ANGPT2: variants seen among roughly 807,000 people sequenced by gnomAD.
ANGPT2 encodes the protein angiopoietin-2.
In ANGPT2, 28 loss-of-function variants were observed where a neutral mutation model predicts 62.9. The observed-to-expected ratio is 0.44, with a 90% CI of 0.33 to 0.61. The LOEUF (loss-of-function observed/expected upper bound fraction) is 0.61. Among genes scored for constraint, ANGPT2 ranks in the 20% least tolerant of loss-of-function variants. The pLI is 0.03. For missense variants in ANGPT2, 727 were observed against 594.9 expected (o/e 1.22, Z -2.31); for synonymous variants, 284 against 207.8 (o/e 1.37, Z -3.15).
At chr8:6,506,635 G>C (rs781594757) in intron 8 of ANGPT2, among the ~76,000 whole-genome samples, 3 of 152,120 alleles carry the variant, frequency 2.0e-5, no homozygotes, top group Non-Finnish European at 2.9e-5. Context: ...CTTTAAAAAG[G>C]ATGATTGTGC....
rs1035475766 is a variant in ANGPT2 at position 6,500,154 on chromosome 8, A to G, written c.*2947T>C. 5.6e-6 allele frequency: 3 copies of G among 537,556 alleles called. No individual in the cohort carries two copies. The highest frequency in any genetic ancestry group is 1.0e-5 in the Non-Finnish European group (3 of 298,478). The allele number at this position is 537,556 out of a possible 1,614,324, so 33.3% of individuals were successfully genotyped here. ...GTAGTGAGGAATGCAGTCCAAAGAA[A>G]ATTTGACGATTAACATCCTCAGAAC... On this transcript the variant is annotated 3_prime_UTR_variant, in exon 9 of 9. Transcript: ENST00000629816.
At chr8:6,531,345 G>A (rs1209524106) in intron 2 of ANGPT2, among the ~76,000 whole-genome samples, 1 of 150,142 alleles carries the variant, frequency 6.7e-6, no homozygotes, top group Non-Finnish European at 1.5e-5. Context: ...CTGGAGTGCA[G>A]TGGCACGATC....
intron 3 of ANGPT2, 35 bp downstream of exon 3, chr8:6,527,520 G>T (rs770700589): frequency 1.2e-6 from 2 of 1,604,968 alleles, no homozygotes; most frequent in Admixed American, 1.7e-5. Flanking sequence ...AAAGTGTGCA[G>T]TCCTGAATTA....
intron 1 of ANGPT2, among the ~76,000 whole-genome samples, chr8:6,541,227 C>T (rs769115566): frequency 1.3e-5 from 2 of 152,148 alleles, no homozygotes; most frequent in African/African-American, 4.8e-5. Flanking sequence ...CCTGACACAG[C>T]AGGGGATGCT....
chr8:6,508,616 A>T (rs1814276499), intron 8 of ANGPT2: 2 of 485,486 alleles, frequency 4.1e-6, no homozygotes, highest in East Asian at 6.6e-5. Context: ...AAATGTAATT[A>T]AACCATCTCT....
intron 1 of ANGPT2, among the ~76,000 whole-genome samples, chr8:6,546,838 G>C (rs190458168): frequency 6.6e-6 from 1 of 152,286 alleles, no homozygotes; most frequent in African/African-American, 2.4e-5. Context: ...ATGTTTATCG[G>C]AAAGCGAGTA....
At chr8:6,527,437 T>C (rs1183555130) in intron 3 of ANGPT2, 118 bp downstream of exon 3, 3 of 1,286,810 alleles carry the variant, frequency 2.3e-6, no homozygotes, top group African/African-American at 1.5e-5. Context: ...ATGAGGTTTC[T>C]GACCCTTACA....
chr8:6,502,939 A>G lies in ANGPT2; in HGVS notation c.*162T>C. The G allele has an allele frequency of 1.3e-6, 1 of 761,176 alleles. No individual in the cohort carries two copies. The highest frequency in any genetic ancestry group is 2.0e-5 in the South Asian group (1 of 50,888). The allele number at this position is 761,176 out of a possible 1,614,324, so 47.2% of individuals were successfully genotyped here. A position where few individuals can be genotyped will look rare whatever the true frequency, so the allele number is the denominator to read the frequency against. ...CCGTTAAGTGATGCAAGTTTAAGTG[A>G]TAAAGTTTACAGGCTCTAATCTGGA... is the stretch of plus-strand genomic sequence containing the variant. On this transcript the variant is annotated 3_prime_UTR_variant, in exon 9 of 9. Coordinates refer to ENST00000629816, the MANE Select transcript of ANGPT2 (RefSeq NM_001118887.2).
At chr8:6,507,953 C>G (rs1484099476) in intron 8 of ANGPT2, 2 of 152,186 alleles carry the variant, frequency 1.3e-5, no homozygotes, top group Non-Finnish European at 2.9e-5. Flanking sequence ...ACCAACCCAT[C>G]TGTTTTAAGT....
chr8:6,537,953 T>C (rs1192171852), intron 1 of ANGPT2, among the ~76,000 whole-genome samples: 1 of 152,158 alleles, frequency 6.6e-6, no homozygotes, highest in Non-Finnish European at 1.5e-5. Context: ...CTGAGTGACC[T>C]AAGGTGGACA....
Position 6,527,568 on chromosome 8 carries a change from G to T in ANGPT2, c.553C>A (p.Gln185Lys). ...TACTGTTATTACCTGTTCTTATCTTGCAATTTGTTTATTTCACTGGTCTGG... is the reference window on the plus strand; with the variant it reads ...TACTGTTATTACCTGTTCTTATCTTTCAATTTGTTTATTTCACTGGTCTGG... ...LDQTSEINKL[Q>K]DKNSFLEKKV... is the part of the protein sequence containing the mutation. The change falls in exon 3 of 9, where the codon CAA becomes AAA. Residue 185 changes from glutamine to lysine, a missense_variant. Gln to Lys is a moderately conservative substitution (Grantham distance 53, BLOSUM62 1). Coordinates refer to ENST00000629816, the MANE Select transcript of ANGPT2 (RefSeq NM_001118887.2). 1 of 1,613,666 alleles carries T rather than the reference G, an allele frequency of 6.2e-7. No homozygotes were observed. Among genetic ancestry groups the T allele is most frequent in the Non-Finnish European group, 8.5e-7 (1 of 1,179,844 alleles).
At chr8:6,519,818 G>A (rs1466012380) in intron 5 of ANGPT2, 46 bp downstream of exon 5, 1 of 1,602,010 alleles carries the variant, frequency 6.2e-7, no homozygotes. Flanking sequence ...CACTAAAGTG[G>A]CCTGCCTAGA....
chr8:6,515,032 G>A (rs1368873146), intron 5 of ANGPT2, among the ~76,000 whole-genome samples: 2 of 152,156 alleles, frequency 1.3e-5, no homozygotes, highest in Admixed American at 6.5e-5. Flanking sequence ...TGACTCACTT[G>A]TCATCATCTG....
intron 1 of ANGPT2, among the ~76,000 whole-genome samples, chr8:6,541,024 C>A (rs535674283): frequency 2.3e-4 from 29 of 127,370 alleles, no homozygotes; most frequent in African/African-American, 6.7e-4. Context: ...GCTGTGCTTG[C>A]GAGAGTGCCG....
At chr8:6,535,941 C>T (rs780709820) in intron 1 of ANGPT2, among the ~76,000 whole-genome samples, 2 of 151,702 alleles carry the variant, frequency 1.3e-5, no homozygotes, top group Non-Finnish European at 2.9e-5. Context: ...CCTGTAGTCT[C>T]AGGTACTGGG....
At chr8:6,526,139 G>A (rs1050228299) in intron 3 of ANGPT2, among the ~76,000 whole-genome samples, 22 of 151,784 alleles carry the variant, frequency 1.4e-4, no homozygotes, top group African/African-American at 5.1e-4. Context: ...AGAAAACGAC[G>A]CCAGGTACGG....
In ANGPT2 at chr8:6,500,195, T is replaced by A; in HGVS notation, c.*2906A>T. 6.6e-6 allele frequency: 3 copies of A among 452,720 alleles called. No individual in the cohort carries two copies. The highest frequency in any genetic ancestry group is 1.2e-5 in the Non-Finnish European group (3 of 246,596). The allele number at this position is 452,720 out of a possible 1,614,324, so 28.0% of individuals were successfully genotyped here. A position where few individuals can be genotyped will look rare whatever the true frequency, so the allele number is the denominator to read the frequency against. On this transcript the variant is annotated 3_prime_UTR_variant, in exon 9 of 9. Coordinates refer to ENST00000629816, the MANE Select transcript of ANGPT2 (RefSeq NM_001118887.2). ...TCCTCAGAACTGAGAAAAACAAAAA[T>A]GAAAAAAGACTGAATTCTTGGGCAG... is the stretch of plus-strand genomic sequence containing the variant.
chr8:6,532,567 C>T (rs1230295940), intron 1 of ANGPT2, 80 bp from the exon 2 acceptor site: 10 of 871,084 alleles, frequency 1.1e-5, no homozygotes, highest in African/African-American at 2.1e-5. Context: ...CGTCTCCTCC[C>T]TATCTTTAAA....
At chr8:6,525,793 C>CA (rs1178440761) in intron 3 of ANGPT2, among the ~76,000 whole-genome samples, 11 of 151,892 alleles carry the variant, frequency 7.2e-5, no homozygotes, top group South Asian at 2.1e-4. Flanking sequence ...ATATCTGTGA[C>CA]AAAAAAATAC....
Sources: allele counts gnomAD v4.1 joint callset (sites outside exome capture counted in the v4.1 genomes callset), GRCh38; gene constraint gnomAD v4.1.1; transcripts MANE v1.5; gene names NCBI Gene and HGNC (gene_info 2026-07-23, HGNC 2026-07-21).